Variants in HTT observed in about 807,000 individuals in gnomAD.
The protein encoded by HTT is huntington disease protein.
A neutral mutation model predicts 362.3 loss-of-function variants in HTT; 104 were observed. The ratio of observed to expected loss-of-function variants is 0.29; its 90% CI spans 0.24 to 0.34. The LOEUF (loss-of-function observed/expected upper bound fraction) is 0.34, where lower values mean the gene tolerates loss of function less well. HTT is among the 10% of genes least tolerant of loss of function. The pLI, the probability that HTT is intolerant of heterozygous loss-of-function variation, is 1.00. For missense variants in HTT, 3,301 were observed against 3,928.6 expected (o/e 0.84, Z 4.27); for synonymous variants, 1,577 against 1,548.7 (o/e 1.02, Z -0.43).
Position 3,132,589 on chromosome 4 carries a change from A to G in HTT, c.2264A>G (p.Asn755Ser). 1.2e-6 allele frequency: 2 copies of G among 1,614,058 alleles called. No homozygotes were observed. The highest frequency in any genetic ancestry group is 8.5e-7 in the Non-Finnish European group (1 of 1,179,966). ...GAACAGTATGTCTCAGACATCTTGAACTACATCGATCATGGAGACCCACAG... is the reference window on the plus strand; with the variant it reads ...GAACAGTATGTCTCAGACATCTTGAGCTACATCGATCATGGAGACCCACAG... ...PEEQYVSDIL[N>S]YIDHGDPQVR... Residue 755 changes from asparagine (N) to serine (S), a missense_variant, in exon 17 of 67, where the codon AAC becomes AGC. Physicochemically the swap from Asn to Ser is conservative, Grantham distance 46. Transcript: ENST00000355072.
chr4:3,187,024 A>G lies in HTT; in HGVS notation c.4989+305A>G, dbSNP rs569569483. On this transcript the variant is annotated intron_variant, in intron 38 of 66. Coordinates refer to ENST00000355072, the MANE Select transcript of HTT (RefSeq NM_001388492.1). ...CAAGCGCCCACCACCACGCCCGGCTAATTTTTTTGTATTTTTAGTAGAGAT... is the reference window on the plus strand; with the variant it reads ...CAAGCGCCCACCACCACGCCCGGCTGATTTTTTTGTATTTTTAGTAGAGAT... Among the ~76,000 whole-genome samples the G allele has an allele frequency of 2.0e-5, 3 of 150,666 alleles. No individual in the cohort carries two copies. The East Asian group carries it at 5.9e-4, about 29-fold the overall frequency.
chr4:3,095,998 T>A (rs1356698600), intron 2 of HTT, among the ~76,000 whole-genome samples: 1 of 152,176 alleles, frequency 6.6e-6, no homozygotes, highest in African/African-American at 2.4e-5. Context: ...ATTCTAAATA[T>A]AAAGGCAAAA....
At chr4:3,146,752 CTTAAAAA>C in intron 24 of HTT, 38 bp from the exon 25 acceptor site, 1 of 1,585,378 alleles carries the variant, frequency 6.3e-7, no homozygotes. Context: ...CTGTTGTTTG[CTTAAAAA>C]TTGTCTATAA....
In HTT at chr4:3,214,114, G is replaced by A. The variant is rs1223633275; in HGVS notation, c.6931G>A (p.Val2311Met). ...VTHACSLIYC[V>M]HFILEAVAVQ... ...CCACGCCTGCTCCCTCATCTACTGT[G>A]TGCACTTCATCCTGGAGGCCGGTGA... Residue 2311 changes from valine to methionine, a missense_variant, in exon 50 of 67, where the codon GTG becomes ATG. Coordinates refer to ENST00000355072, the MANE Select transcript of HTT (RefSeq NM_001388492.1). The A allele has an allele frequency of 1.3e-6, 2 of 1,540,612 alleles. No individual in the cohort carries two copies.
intron 36 of HTT, among the ~76,000 whole-genome samples, chr4:3,181,055 G>A (rs1176431332): frequency 1.3e-5 from 2 of 148,616 alleles, no homozygotes; most frequent in Non-Finnish European, 3.0e-5. Context: ...TTTTTTTTTT[G>A]TATTTTTAGT....
intron 64 of HTT, among the ~76,000 whole-genome samples, chr4:3,238,046 C>T (rs2110306201): frequency 6.6e-6 from 1 of 152,340 alleles, no homozygotes; most frequent in South Asian, 2.1e-4. Context: ...ATCCTTCCCG[C>T]TGCGCCGTTT....
At chr4:3,114,907 G>T (rs1714942747) in intron 6 of HTT, among the ~76,000 whole-genome samples, 1 of 152,134 alleles carries the variant, frequency 6.6e-6, no homozygotes, top group African/African-American at 2.4e-5. Context: ...ACATTAGCAG[G>T]ACTTCTACAA....
chr4:3,144,166 C>T (rs560173451), intron 23 of HTT, among the ~76,000 whole-genome samples: 16 of 152,078 alleles, frequency 1.1e-4, no homozygotes, highest in Admixed American at 3.3e-4. Context: ...CAGATAATCA[C>T]CAAGATAAAT....
chr4:3,189,323 G>A (rs1347999628), intron 40 of HTT, among the ~76,000 whole-genome samples: 3 of 152,214 alleles, frequency 2.0e-5, no homozygotes, highest in African/African-American at 4.8e-5. Context: ...ATATTTGCAT[G>A]CCAGCATTCA....
rs868032056 is a variant in HTT at position 3,094,612 on chromosome 4, C to G, written c.348-4662C>G. Among the ~76,000 whole-genome samples the G allele has an allele frequency of 1.8e-3, 227 of 124,456 alleles. 1 individual carries two copies. The highest frequency in any genetic ancestry group is 5.7e-3 in the African/African-American group (180 of 31,610). 81.6% of individuals were successfully genotyped at this position (124,456 alleles called of 152,430 possible). ...GCCCACCACCTCCCGGACGGGGCGG[C>G]TGGCCGGGCGGGGGCTGCCCCCCAC... On this transcript the variant is annotated intron_variant, in intron 2 of 66. Coordinates refer to ENST00000355072, the MANE Select transcript of HTT (RefSeq NM_001388492.1).
chr4:3,216,886 G>A (rs1302347590), intron 51 of HTT, among the ~76,000 whole-genome samples: 5 of 151,286 alleles, frequency 3.3e-5, no homozygotes, highest in South Asian at 2.1e-4. Context: ...TTAGCCGGGC[G>A]TAGTGGCGGG....
At position 3,150,201 on chromosome 4, in the gene HTT, T is replaced by G. The variant is rs568662106; in HGVS notation, c.3498+1994T>G. 5.9e-5 allele frequency among the ~76,000 whole-genome samples: 9 copies of G among 152,332 alleles called. No homozygotes were observed. The South Asian group carries it at 1.9e-3, about 32-fold the overall frequency. On this transcript the variant is annotated intron_variant, in intron 26 of 66. Transcript: ENST00000355072. Reference sequence around the variant, plus strand: ...GAATTTTCTATAACCATGGCAGTGCTCCATAGCTATGCCAGGCAAGACAGT... The same window carrying G: ...GAATTTTCTATAACCATGGCAGTGCGCCATAGCTATGCCAGGCAAGACAGT...
chr4:3,113,585 C>T (rs1447867014), intron 6 of HTT, among the ~76,000 whole-genome samples: 1 of 152,212 alleles, frequency 6.6e-6, no homozygotes. Context: ...CTTCTTCAGC[C>T]TCCCAAAGTG....
intron 8 of HTT, among the ~76,000 whole-genome samples, chr4:3,119,743 G>C (rs557326153): frequency 6.6e-6 from 1 of 152,328 alleles, no homozygotes; most frequent in East Asian, 1.9e-4. Context: ...GGGCAGATGA[G>C]GTGAAGGAAA....
chr4:3,207,140 A>G (rs1719903051), intron 44 of HTT, 141 bp from the exon 45 acceptor site: 20 of 1,033,080 alleles, frequency 1.9e-5, no homozygotes, highest in Middle Eastern at 2.4e-4. Flanking sequence ...CGTGTGTCCG[A>G]TCTGACTGTT....
chr4:3,169,714 T>C (rs6835567), intron 29 of HTT, among the ~76,000 whole-genome samples: 29,670 of 151,882 alleles, frequency 0.2, 4,462 homozygotes, highest in African/African-American at 0.43. Flanking sequence ...GCTGGGACTA[T>C]AGGCACGTGC....
chr4:3,184,047 C>T (rs944723267), intron 37 of HTT, among the ~76,000 whole-genome samples: 1 of 151,628 alleles, frequency 6.6e-6, no homozygotes, highest in Admixed American at 6.6e-5. Context: ...GAAGTCTATA[C>T]CATGGCGGCT....
chr4:3,208,719 T>TA (rs768955373), intron 45 of HTT, 54 bp from the exon 46 acceptor site: 165,991 of 1,154,368 alleles, frequency 0.14, 13 homozygotes, highest in Non-Finnish European at 0.16. Flanking sequence ...AGACTAAGAC[T>TA]AAAAAAAAAA....
At chr4:3,136,087 A>G (rs1716052072) in intron 20 of HTT, 120 bp downstream of exon 20, 3 of 914,000 alleles carry the variant, frequency 3.3e-6, no homozygotes, top group Non-Finnish European at 5.1e-6. Flanking sequence ...CACAGTTTAT[A>G]TCATGAAAGT....
Sources: allele counts gnomAD v4.1 joint callset (sites outside exome capture counted in the v4.1 genomes callset), GRCh38; gene constraint gnomAD v4.1.1; transcripts MANE v1.5; gene names NCBI Gene and HGNC (gene_info 2026-07-23, HGNC 2026-07-21).